CDK6: variants seen among roughly 807,000 people sequenced by gnomAD.
CDK6 encodes the protein cyclin dependent kinase 6.
Under a neutral mutation model 37.1 loss-of-function variants are expected in CDK6, and 6 were observed. The ratio of observed to expected loss-of-function variants is 0.16; its 90% confidence interval spans 0.09 to 0.32. CDK6 has a LOEUF of 0.32. Ranked by LOEUF, CDK6 falls within the 10% of genes least tolerant of loss-of-function variation. The pLI is 1.00. For missense variants in CDK6, 224 were observed against 418.9 expected, an observed-to-expected ratio of 0.53 and a Z score of 4.06; for synonymous variants, 160 against 161.3, an observed-to-expected ratio of 0.99 and a Z score of 0.06.
At chr7:92,757,326 T>G (rs903263212) in intron 3 of CDK6, among the ~76,000 whole-genome samples, 5 of 152,096 alleles carry the variant, frequency 3.3e-5, no homozygotes, top group African/African-American at 1.2e-4. Flanking sequence ...TCAAGTAGAC[T>G]CCAGTGTCTG....
chr7:92,710,217 G>T (rs1406739503), intron 4 of CDK6, among the ~76,000 whole-genome samples: 1 of 152,188 alleles, frequency 6.6e-6, no homozygotes, highest in South Asian at 2.1e-4. Context: ...TGGTCAATGG[G>T]TAGGTACGGG....
intron 4 of CDK6, among the ~76,000 whole-genome samples, chr7:92,698,923 G>GA (rs1328652969): frequency 4.6e-5 from 7 of 151,910 alleles, no homozygotes; most frequent in African/African-American, 1.7e-4. Context: ...TTGCATGGTG[G>GA]AAAAAAGGCT....
chr7:92,766,811 A>G (rs1279274078), intron 3 of CDK6, among the ~76,000 whole-genome samples: 1 of 152,216 alleles, frequency 6.6e-6, no homozygotes, highest in Non-Finnish European at 1.5e-5. Flanking sequence ...TAGGGTGAGG[A>G]AGCATTTTCT....
At chr7:92,641,265 T>C (rs1196817090) in intron 5 of CDK6, among the ~76,000 whole-genome samples, 2 of 152,208 alleles carry the variant, frequency 1.3e-5, no homozygotes, top group African/African-American at 4.8e-5. Context: ...CCATTGATGA[T>C]TTTCTAACTC....
intron 5 of CDK6, among the ~76,000 whole-genome samples, chr7:92,633,251 C>T (rs1796095317): frequency 6.6e-6 from 1 of 152,140 alleles, no homozygotes; most frequent in Admixed American, 6.6e-5. Context: ...CTATCCAGCA[C>T]ACTTTGGGTA....
At chr7:92,711,865 T>C (rs1798101937) in intron 4 of CDK6, among the ~76,000 whole-genome samples, 1 of 150,908 alleles carries the variant, frequency 6.6e-6, no homozygotes, top group African/African-American at 2.4e-5. Flanking sequence ...ACCACACTGG[T>C]GGAATGTTCA....
chr7:92,795,371 T>A (rs903097393), intron 2 of CDK6, among the ~76,000 whole-genome samples: 2 of 152,190 alleles, frequency 1.3e-5, no homozygotes, highest in Admixed American at 1.3e-4. Context: ...TTCAAAGCAA[T>A]TTACATTCAG....
At chr7:92,746,175 T>C (rs1346737109) in intron 3 of CDK6, among the ~76,000 whole-genome samples, 2 of 152,182 alleles carry the variant, frequency 1.3e-5, no homozygotes, top group Non-Finnish European at 2.9e-5. Context: ...CTAATGAACT[T>C]AGATTATTTC....
At chr7:92,783,808 T>C (rs887091286) in intron 2 of CDK6, among the ~76,000 whole-genome samples, 1 of 152,222 alleles carries the variant, frequency 6.6e-6, no homozygotes, top group African/African-American at 2.4e-5. Flanking sequence ...GATGTACTAC[T>C]AGCTGGGCCT....
At chr7:92,799,108 A>G (rs1002677011) in intron 2 of CDK6, among the ~76,000 whole-genome samples, 3 of 152,140 alleles carry the variant, frequency 2.0e-5, no homozygotes, top group Non-Finnish European at 2.9e-5. Flanking sequence ...TCTCTATCAG[A>G]TTGTCATTCT....
intron 4 of CDK6, among the ~76,000 whole-genome samples, chr7:92,672,149 A>ATATATC (rs2116605088): frequency 8.6e-6 from 1 of 115,782 alleles, no homozygotes; most frequent in East Asian, 3.1e-4. Context: ...ATATATATAT[A>ATATATC]TATATATATA....
chr7:92,658,225 C>A (rs1249215659), intron 5 of CDK6, among the ~76,000 whole-genome samples: 1 of 152,136 alleles, frequency 6.6e-6, no homozygotes, highest in African/African-American at 2.4e-5. Context: ...ATTTGCATGT[C>A]ATTTGACCCT....
intron 2 of CDK6, among the ~76,000 whole-genome samples, chr7:92,822,117 A>G (rs1226699665): frequency 3.9e-5 from 6 of 152,272 alleles, no homozygotes; most frequent in African/African-American, 1.2e-4. Flanking sequence ...GAGCAGTCAC[A>G]GCCCAGAGAA....
At chr7:92,738,819 G>GCAGGGTTCTGTAACT (rs3839838) in intron 3 of CDK6, among the ~76,000 whole-genome samples, 25,808 of 152,030 alleles carry the variant, frequency 0.17, 3,355 homozygotes, top group African/African-American at 0.36. Context: ...TGTCTAAAAT[G>GCAGGGTTCTGTAACT]TCTTGAACTA....
intron 4 of CDK6, among the ~76,000 whole-genome samples, chr7:92,686,186 T>C (rs1351575129): frequency 3.9e-5 from 6 of 152,356 alleles, no homozygotes; most frequent in South Asian, 2.1e-4. Flanking sequence ...TTTTTGTACA[T>C]GAGTAAGTTC....
chr7:92,627,639 T>G (rs1795957727), intron 5 of CDK6, among the ~76,000 whole-genome samples: 1 of 152,072 alleles, frequency 6.6e-6, no homozygotes, highest in Non-Finnish European at 1.5e-5. Context: ...CAGCCCAAGC[T>G]GAGTAAGACA....
intron 4 of CDK6, among the ~76,000 whole-genome samples, chr7:92,723,341 C>G (rs1798411909): frequency 1.3e-5 from 2 of 152,140 alleles, no homozygotes; most frequent in Admixed American, 6.5e-5. Flanking sequence ...AGTTTTGAAT[C>G]AGTTAACTTG....
intron 2 of CDK6, among the ~76,000 whole-genome samples, chr7:92,813,746 T>A (rs1800949000): frequency 6.6e-6 from 1 of 152,124 alleles, no homozygotes; most frequent in Non-Finnish European, 1.5e-5. Flanking sequence ...CATAATTAGC[T>A]ATTTTGGGGA....
At chr7:92,743,052 G>A (rs75112480) in intron 3 of CDK6, among the ~76,000 whole-genome samples, 2,002 of 151,678 alleles carry the variant, frequency 0.013, 42 homozygotes, top group Middle Eastern at 0.041. Context: ...GCCCTTTCTC[G>A]GTGAAGAGAG....
Sources: gnomAD v4.1 joint callset for allele counts (sites outside exome capture counted in the v4.1 genomes callset) on GRCh38, gnomAD v4.1.1 for gene constraint, MANE v1.5 for transcripts, NCBI Gene and HGNC (gene_info 2026-07-23, HGNC 2026-07-21) for gene names.